The following OLFM2 variants were observed in gnomAD, a reference collection of about 807,000 sequenced individuals.
The protein encoded by OLFM2 is olfactomedin 2.
OLFM2 carries 20 observed loss-of-function variants against 43.9 expected under a neutral mutation model. That is an observed-to-expected ratio of 0.46 (90% CI 0.32 to 0.66). The LOEUF is 0.66. Ranked by LOEUF, OLFM2 falls within the 30% of genes least tolerant of loss-of-function variation. The probability of loss-of-function intolerance (pLI) is 0.04; values close to 1 mark genes in which losing one functional copy is unlikely to be tolerated. For synonymous variants in OLFM2, 268 were observed against 278.6 expected (o/e 0.96, Z 0.38); for missense variants, 416 against 643.6 (o/e 0.65, Z 3.83).
chr19:9,880,143 T>C (rs1305119339), intron 1 of OLFM2, among the ~76,000 whole-genome samples: 1 of 152,130 alleles, frequency 6.6e-6, no homozygotes, highest in Non-Finnish European at 1.5e-5. Context: ...GGATTACAGA[T>C]GCGAGCCACT....
chr19:9,924,589 G>A lies in OLFM2; in HGVS notation c.63+11715C>T, dbSNP rs530646041. 5.3e-5 allele frequency among the ~76,000 whole-genome samples: 8 copies of A among 152,172 alleles called. No individual in the cohort carries two copies. In the South Asian group the frequency reaches 1.7e-3, roughly 32 times the overall value. ...ACATACTCAGTCACCCAACCCTGTTGAGGTCTAATAAGGAGACACTCTGCT... is the reference window on the plus strand; with the variant it reads ...ACATACTCAGTCACCCAACCCTGTTAAGGTCTAATAAGGAGACACTCTGCT... On this transcript the variant is annotated intron_variant, in intron 1 of 5. Coordinates refer to ENST00000264833, the MANE Select transcript of OLFM2 (RefSeq NM_058164.4).
intron 1 of OLFM2, among the ~76,000 whole-genome samples, chr19:9,881,932 T>C (rs2145455279): frequency 6.6e-6 from 1 of 152,234 alleles, no homozygotes; most frequent in Middle Eastern, 3.4e-3. Context: ...GTACTGGGTG[T>C]TAAGAATTAA....
In OLFM2 at chr19:9,915,679, G is replaced by A. The variant is rs1160846997; in HGVS notation, c.63+20625C>T. 2.6e-5 allele frequency among the ~76,000 whole-genome samples: 4 copies of A among 151,964 alleles called. 1 individual carries two copies. The highest frequency in any genetic ancestry group is 4.2e-4 in the South Asian group (2 of 4,810). ...ACTACAGGCACCCACCACCACGCCC[G>A]GCTAATTTTTTGTATTTTTTAGTAG... On this transcript the variant is annotated intron_variant, in intron 1 of 5. Transcript: ENST00000264833.
At chr19:9,867,762 G>C (rs766148255) in intron 1 of OLFM2, among the ~76,000 whole-genome samples, 21 of 152,058 alleles carry the variant, frequency 1.4e-4, no homozygotes. Flanking sequence ...CATTTTATTC[G>C]GCCAATCCAA....
At chr19:9,893,393 A>C (rs1158983502) in intron 1 of OLFM2, among the ~76,000 whole-genome samples, 4 of 152,024 alleles carry the variant, frequency 2.6e-5, no homozygotes, top group Non-Finnish European at 5.9e-5. Context: ...TCGAACTCCC[A>C]ACCTCAGGTG....
At chr19:9,913,191 T>TA (rs1302374723) in intron 1 of OLFM2, among the ~76,000 whole-genome samples, 1 of 151,966 alleles carries the variant, frequency 6.6e-6, no homozygotes, top group Non-Finnish European at 1.5e-5. Context: ...GCGAGCCTGG[T>TA]ACGCTATTCG....
chr19:9,885,864 G>A (rs925205421), intron 1 of OLFM2, among the ~76,000 whole-genome samples: 12 of 152,086 alleles, frequency 7.9e-5, no homozygotes, highest in Non-Finnish European at 1.0e-4. Context: ...TTGGGAGGCC[G>A]AGGCAGGAGG....
rs1377378251 is a variant in OLFM2 at position 9,857,708 on chromosome 19, G to A, written c.360+7C>T. On this transcript the variant is annotated splice_region_variant and intron_variant, in intron 3 of 5. Transcript: ENST00000264833. This position sits in a 1 kb window ranked among gnomAD's most constrained non-coding sequence, Gnocchi z 5.7. ...TTGACCTCTGGTCTGGACACAGGAG[G>A]ACCCACCTGGAAGCTCTTGGCCGAG... 6.2e-7 allele frequency: 1 copy of A among 1,614,146 alleles called. No homozygotes were observed.
At chr19:9,883,457 T>C (rs1215923532) in intron 1 of OLFM2, among the ~76,000 whole-genome samples, 1 of 151,872 alleles carries the variant, frequency 6.6e-6, no homozygotes, top group African/African-American at 2.4e-5. Flanking sequence ...CGGAGACCTT[T>C]GTTAGCGAGA....
chr19:9,914,158 G>T (rs866024300), intron 1 of OLFM2, among the ~76,000 whole-genome samples: 2 of 151,832 alleles, frequency 1.3e-5, no homozygotes, highest in African/African-American at 4.8e-5. Flanking sequence ...CCTGAGCCGC[G>T]GGACCCCGCG....
intron 1 of OLFM2, among the ~76,000 whole-genome samples, chr19:9,929,591 G>C (rs866658842): frequency 7.7e-6 from 1 of 129,940 alleles, no homozygotes; most frequent in Admixed American, 8.2e-5. Context: ...GTGAGACCCC[G>C]TCTCAAAATA....
At chr19:9,887,082 C>T (rs775337996) in intron 1 of OLFM2, among the ~76,000 whole-genome samples, 16 of 152,210 alleles carry the variant, frequency 1.1e-4, no homozygotes, top group Non-Finnish European at 2.1e-4. Flanking sequence ...AGAACAGTGC[C>T]TGGCACGCAG....
At chr19:9,920,121 T>C (rs141999706) in intron 1 of OLFM2, among the ~76,000 whole-genome samples, 1 of 151,822 alleles carries the variant, frequency 6.6e-6, no homozygotes, top group Non-Finnish European at 1.5e-5. Flanking sequence ...ACCAAAAAAA[T>C]TTTTTTAAGT....
chr19:9,854,230 T>C lies in OLFM2; in HGVS notation c.1321A>G (p.Asn441Asp), dbSNP rs760987762. Residue 441 changes from asparagine to aspartate, a missense_variant, in exon 6 of 6, where the codon AAT (asparagine) becomes GAT (aspartate). Coordinates refer to ENST00000264833, the MANE Select transcript of OLFM2 (RefSeq NM_058164.4). This position sits in a 1 kb window ranked among gnomAD's most constrained non-coding sequence, Gnocchi z 9.5. ...CTGATGACGTGAAACAGGGTGACAT[T>C]GTAGAGCACCTGGTGGCCGTTGTTC... The part of the protein sequence containing the change: ...TWNNGHQVLY[N>D]VTLFHVISTS... 1 of 1,613,962 alleles carries C rather than the reference T, an allele frequency of 6.2e-7. No individual in the cohort carries two copies. The highest frequency in any genetic ancestry group is 2.2e-5 in the East Asian group (1 of 44,854).
chr19:9,872,081 A>G (rs2145445312), intron 1 of OLFM2, among the ~76,000 whole-genome samples: 1 of 152,182 alleles, frequency 6.6e-6, no homozygotes, highest in Admixed American at 6.5e-5. Context: ...AATGATGGAG[A>G]ATGTGCCTGT....
intron 1 of OLFM2, among the ~76,000 whole-genome samples, chr19:9,893,664 C>T (rs12974239): frequency 0.38 from 57,698 of 151,956 alleles, 12,428 homozygotes; most frequent in Admixed American, 0.52. Flanking sequence ...ACGTGTGGAG[C>T]ACTTCTCTTA....
In OLFM2 at chr19:9,915,315, G is replaced by A. The variant is rs866512304; in HGVS notation, c.63+20989C>T. 3.0e-4 allele frequency among the ~76,000 whole-genome samples: 45 copies of A among 147,596 alleles called. No homozygotes were observed. In the South Asian group the frequency reaches 3.6e-3, roughly 12 times the overall value. On this transcript the variant is annotated intron_variant, in intron 1 of 5. Coordinates refer to ENST00000264833, the MANE Select transcript of OLFM2 (RefSeq NM_058164.4). ...TGGTCTCGAACCCCTGGCCTCAATC[G>A]ATCCTCCCACCTTGGCCTCCCAAAG... is the stretch of plus-strand genomic sequence containing the variant.
chr19:9,878,099 C>T (rs1333832372), intron 1 of OLFM2, among the ~76,000 whole-genome samples: 1 of 152,152 alleles, frequency 6.6e-6, no homozygotes, highest in African/African-American at 2.4e-5. Flanking sequence ...AACCCTTCCA[C>T]CTTGGCTGCC....
chr19:9,933,552 C>CTTT (rs34411076), intron 1 of OLFM2, among the ~76,000 whole-genome samples: 9 of 79,028 alleles, frequency 1.1e-4, no homozygotes, highest in African/African-American at 1.8e-4. Flanking sequence ...TCACTCTAAT[C>CTTT]TTTTTTTTTT....
Sources: gnomAD v4.1 joint callset for allele counts (sites outside exome capture counted in the v4.1 genomes callset) on GRCh38, gnomAD v4.1.1 for gene constraint, Gnocchi (gnomAD v3.1) non-coding constraint, MANE v1.5 for transcripts, NCBI Gene and HGNC (gene_info 2026-07-23, HGNC 2026-07-21) for gene names.